CDH23: variants seen among roughly 807,000 people sequenced by gnomAD.
CDH23 encodes cadherin-23.
In CDH23, 189 loss-of-function variants were observed where a neutral mutation model predicts 317.1. That is an observed-to-expected ratio of 0.60 (90% confidence interval 0.53 to 0.67). The LOEUF (loss-of-function observed/expected upper bound fraction) is 0.67, where lower values mean the gene tolerates loss of function less well. Ranked by LOEUF, CDH23 falls within the 30% of genes least tolerant of loss-of-function variation. CDH23 has a pLI of 0.00. For synonymous variants in CDH23, 1,839 were observed against 1,876.8 expected (o/e 0.98, Z 0.52); for missense variants, 4,401 against 4,592.4 (o/e 0.96, Z 1.20).
chr10:71,806,420 G>A lies in CDH23; in HGVS notation c.8178+139G>A, dbSNP rs1025094522. 4 of 653,774 alleles carry A rather than the reference G, an allele frequency of 6.1e-6. No individual in the cohort carries two copies. In the African/African-American group the frequency reaches 7.1e-5, roughly 12 times the overall value. 40.5% of individuals were successfully genotyped at this position (653,774 alleles called of 1,614,324 possible). ...ACATGTCTGCATGCACTTCATGCAA[G>A]AACAACTATTTATTGAGCAGCTGTG... On this transcript the variant is annotated intron_variant, in intron 57 of 69. Transcript: ENST00000224721.
chr10:71,803,797 C>T (rs12415169), intron 55 of CDH23, among the ~76,000 whole-genome samples: 36,887 of 137,346 alleles, frequency 0.27, 5,384 homozygotes, highest in East Asian at 0.53. Flanking sequence ...TAGTGAAACC[C>T]GATCTCTACT....
intron 38 of CDH23, among the ~76,000 whole-genome samples, chr10:71,754,530 C>G (rs1840084797): frequency 1.3e-5 from 2 of 152,120 alleles, no homozygotes; most frequent in Admixed American, 6.5e-5. Context: ...TCAGACTAAC[C>G]AAGACTCAAG....
intron 24 of CDH23, among the ~76,000 whole-genome samples, chr10:71,703,750 T>G (rs898427603): frequency 3.3e-5 from 5 of 152,064 alleles, no homozygotes; most frequent in African/African-American, 1.2e-4. Context: ...GTCCCCAAAC[T>G]CCCAGCAGGG....
At chr10:71,466,561 C>T (rs1175491869) in intron 3 of CDH23, among the ~76,000 whole-genome samples, 2 of 152,042 alleles carry the variant, frequency 1.3e-5, no homozygotes, top group Non-Finnish European at 2.9e-5. Flanking sequence ...TGTCCCTGCA[C>T]ATGTGTGCAT....
chr10:71,670,299 G>A (rs1293792871), intron 14 of CDH23, among the ~76,000 whole-genome samples: 3 of 152,234 alleles, frequency 2.0e-5, no homozygotes, highest in South Asian at 2.1e-4. Context: ...CTGGCCCTCC[G>A]TGGCTGGCAG....
In CDH23 at chr10:71,785,749, A is replaced by T. The variant is rs1289541597; in HGVS notation, c.5820+11A>T. The T allele has an allele frequency of 3.9e-6, 6 of 1,540,966 alleles. No individual in the cohort carries two copies. In the Admixed American group the frequency reaches 7.0e-5, roughly 18 times the overall value. On this transcript the variant is annotated intron_variant, in intron 44 of 69. Transcript: ENST00000224721. ...CGCATAGCCAGGAGGGTGAGACTGG[A>T]GGGCACTGGTGGGAGTGGGCTGGGA...
intron 9 of CDH23, among the ~76,000 whole-genome samples, chr10:71,602,774 CT>C (rs1860305610): frequency 6.6e-6 from 1 of 152,194 alleles, no homozygotes; most frequent in Non-Finnish European, 1.5e-5. Flanking sequence ...GGGTTCAGCA[CT>C]TTACAGTTTG....
intron 3 of CDH23, among the ~76,000 whole-genome samples, chr10:71,482,956 C>T (rs771926190): frequency 3.4e-4 from 52 of 152,210 alleles, no homozygotes; most frequent in Non-Finnish European, 6.5e-4. Context: ...AAGTAAATCT[C>T]CAGCAGGAAT....
chr10:71,449,323 G>A (rs549403414), intron 3 of CDH23, among the ~76,000 whole-genome samples: 13 of 152,232 alleles, frequency 8.5e-5, no homozygotes, highest in East Asian at 1.9e-4. Context: ...CTTCCAGCTC[G>A]AGGCCTCATT....
At chr10:71,792,022 A>G (rs1841263920) in intron 47 of CDH23, among the ~76,000 whole-genome samples, 1 of 152,200 alleles carries the variant, frequency 6.6e-6, no homozygotes, top group South Asian at 2.1e-4. Flanking sequence ...AAGTATAATA[A>G]GCCAGATTTG....
intron 11 of CDH23, among the ~76,000 whole-genome samples, chr10:71,628,217 G>A (rs1220771262): frequency 3.3e-5 from 5 of 152,246 alleles, no homozygotes. Context: ...GGGCAGCTGT[G>A]GCAACAGTGG....
At chr10:71,403,221 A>G (rs901387070) in intron 1 of CDH23, among the ~76,000 whole-genome samples, 2 of 151,976 alleles carry the variant, frequency 1.3e-5, no homozygotes, top group East Asian at 1.9e-4. Context: ...AACTGGCAAC[A>G]TTGTGTCCAT....
intron 40 of CDH23, among the ~76,000 whole-genome samples, chr10:71,778,908 C>T (rs1412858066): frequency 6.6e-6 from 1 of 152,166 alleles, no homozygotes; most frequent in African/African-American, 2.4e-5. Flanking sequence ...CAGGCATGCA[C>T]CACCATGCCC....
chr10:71,404,599 G>A (rs1848011518), intron 1 of CDH23, among the ~76,000 whole-genome samples: 1 of 152,236 alleles, frequency 6.6e-6, no homozygotes, highest in Non-Finnish European at 1.5e-5. Flanking sequence ...AGATGAAGCT[G>A]AGCCTGAATG....
chr10:71,698,015 A>G (rs1393594891), intron 22 of CDH23, among the ~76,000 whole-genome samples: 1 of 152,234 alleles, frequency 6.6e-6, no homozygotes, highest in Non-Finnish European at 1.5e-5. Flanking sequence ...TGTTATATGA[A>G]ACATCTATCA....
intron 3 of CDH23, among the ~76,000 whole-genome samples, chr10:71,460,729 C>T (rs545428179): frequency 4.6e-5 from 7 of 152,306 alleles, no homozygotes; most frequent in African/African-American, 1.7e-4. Flanking sequence ...AACCATTGTC[C>T]CTCCCATCCT....
intron 2 of CDH23, among the ~76,000 whole-genome samples, chr10:71,442,097 C>G (rs970614121): frequency 1.3e-5 from 2 of 152,206 alleles, no homozygotes; most frequent in Non-Finnish European, 2.9e-5. Flanking sequence ...AGTGTTGGCT[C>G]CTTTATTATC....
At chr10:71,589,486 A>G (rs1291030241) in intron 9 of CDH23, among the ~76,000 whole-genome samples, 1 of 152,230 alleles carries the variant, frequency 6.6e-6, no homozygotes, top group Non-Finnish European at 1.5e-5. Flanking sequence ...TAGCCAAAAT[A>G]TCAGCTTACT....
intron 38 of CDH23, among the ~76,000 whole-genome samples, chr10:71,774,088 CAG>C (rs1840761053): frequency 6.7e-6 from 1 of 149,364 alleles, no homozygotes; most frequent in African/African-American, 2.5e-5. Context: ...CACACACACA[CAG>C]AACAGGTGCA....
Sources: allele counts gnomAD v4.1 joint callset (sites outside exome capture counted in the v4.1 genomes callset), GRCh38; gene constraint gnomAD v4.1.1; transcripts MANE v1.5; gene names NCBI Gene and HGNC (gene_info 2026-07-23, HGNC 2026-07-21).